KANSL3: variants seen among roughly 807,000 people sequenced by gnomAD.
The protein encoded by KANSL3 is KAT8 regulatory NSL complex subunit 3.
Under a neutral mutation model 89.2 loss-of-function variants are expected in KANSL3, and 16 were observed. That is an observed-to-expected ratio of 0.18 (90% confidence interval 0.12 to 0.27). The LOEUF (loss-of-function observed/expected upper bound fraction) is 0.27. Ranked by LOEUF, KANSL3 falls within the 10% of genes least tolerant of loss-of-function variation. KANSL3 has a pLI of 1.00. For synonymous variants in KANSL3, 385 were observed against 419.7 expected (o/e 0.92, Z 1.01); for missense variants, 879 against 1,110.6 (o/e 0.79, Z 2.96).
chr2:96,611,917 G>GTGTGTGTGTT lies in KANSL3; in HGVS notation c.1086+364_1086+365insAACACACACA. Among the ~76,000 whole-genome samples, 6 of 149,558 alleles carry GTGTGTGTGTT rather than the reference G, an allele frequency of 4.0e-5. 1 individual carries two copies. The highest frequency in any genetic ancestry group is 4.0e-4 in the Admixed American group (6 of 14,980). On this transcript the variant is annotated intron_variant, in intron 9 of 20. Transcript: ENST00000431828. Reference sequence around the variant, plus strand: ...TATATACCCATATGTGTGTGTGTGTGTGTGTGTGTGTGTGTGTGTGTATGT... The same window carrying GTGTGTGTGTT: ...TATATACCCATATGTGTGTGTGTGTGTGTGTGTGTTTGTGTGTGTGTGTGTGTGTGTATGT...
chr2:96,606,840 T>A, intron 14 of KANSL3: 1 of 405,316 alleles, frequency 2.5e-6, no homozygotes, highest in Admixed American at 3.8e-5. Context: ...AACAAAAGAA[T>A]ACAAAGAAAG....
In KANSL3 at chr2:96,604,840, T is replaced by A; in HGVS notation, c.1957A>T (p.Met653Leu). Residue 653 changes from methionine (M) to leucine (L), a missense_variant, in exon 16 of 21, where the codon ATG (methionine) becomes TTG (leucine). Physicochemically the swap from Met to Leu is conservative, Grantham distance 15. Coordinates refer to ENST00000431828, the MANE Select transcript of KANSL3 (RefSeq NM_001115016.3). The part of the protein sequence containing the change: ...PEAAGGKPIT[M>L]TLGQASAGAK... ...CCTGCTGAAGCCTGCCCCAGTGTCA[T>A]GGTGATGGGCTTCCCACCTGCAGCT... 1.3e-6 allele frequency: 2 copies of A among 1,597,894 alleles called. No individual in the cohort carries two copies. Among genetic ancestry groups the A allele is most frequent in the Non-Finnish European group, 1.7e-6 (2 of 1,172,216 alleles).
intron 18 of KANSL3, 129 bp downstream of exon 18, chr2:96,602,624 T>A (rs1380133184): frequency 2.7e-6 from 2 of 736,776 alleles, no homozygotes; most frequent in Non-Finnish European, 4.4e-6. Context: ...GTAAGTTCCC[T>A]GCTATGTAGC....
chr2:96,588,408 AAAT>A (rs548982926), downstream of KANSL3, among the ~76,000 whole-genome samples: 10 of 152,336 alleles, frequency 6.6e-5, no homozygotes, highest in East Asian at 1.9e-3. Flanking sequence ...ATGAAAGGTA[AAAT>A]TCAGACATTC....
downstream of KANSL3, among the ~76,000 whole-genome samples, chr2:96,590,919 G>A (rs151319331): frequency 1.0e-2 from 1,516 of 152,242 alleles, 14 homozygotes; most frequent in South Asian, 0.031. Flanking sequence ...CAGGGAGGTG[G>A]AGGTTGCAGT....
intron 20 of KANSL3, chr2:96,599,712 C>T: frequency 3.2e-6 from 2 of 623,400 alleles, no homozygotes; most frequent in Non-Finnish European, 4.0e-6. Context: ...TCTGAATATA[C>T]AAAGCCACTA....
At chr2:96,590,329 T>C (rs2066263757), downstream of KANSL3, among the ~76,000 whole-genome samples, 1 of 151,972 alleles carries the variant, frequency 6.6e-6, no homozygotes, top group Non-Finnish European at 1.5e-5. Flanking sequence ...GGTCTCACTC[T>C]GTTGCTCAGA....
chr2:96,624,282 G>C (rs1401385535), intron 3 of KANSL3, among the ~76,000 whole-genome samples: 1 of 152,166 alleles, frequency 6.6e-6, no homozygotes, highest in African/African-American at 2.4e-5. Context: ...TCTCAGGTGG[G>C]CTTGAGAATT....
At chr2:96,601,216 C>T (rs1573293593) in intron 20 of KANSL3, 1 of 685,258 alleles carries the variant, frequency 1.5e-6, no homozygotes, top group Non-Finnish European at 1.8e-6. Context: ...TGCAGGGAGC[C>T]GAGATCACAC....
In KANSL3 at chr2:96,602,861, C is replaced by T. The variant is rs913772016; in HGVS notation, c.2151G>A (p.Gly717=). Residue 717 remains glycine (G), a splice_region_variant and synonymous_variant, in exon 18 of 21, where the codon GGG becomes GGA. Transcript: ENST00000431828. ...GGAGGAGGCTGCTGGCTGATGTGGCCCCTAAGAGAGGACATAGCAGGAATC... is the reference window on the plus strand; with the variant it reads ...GGAGGAGGCTGCTGGCTGATGTGGCTCCTAAGAGAGGACATAGCAGGAATC... ...VATSPGSSLP[G]ATSASSLLQG... 1.2e-6 allele frequency: 2 copies of T among 1,613,676 alleles called. No individual in the cohort carries two copies. Among genetic ancestry groups the T allele is most frequent in the South Asian group, 1.1e-5 (1 of 91,082 alleles).
At position 96,593,625 on chromosome 2, in the gene KANSL3, G is replaced by C. The variant is rs11690659; in HGVS notation, c.*1986C>G. On this transcript the variant is annotated 3_prime_UTR_variant, in exon 21 of 21. Transcript: ENST00000431828. Reference sequence around the variant, plus strand: ...AGGTGGACAGATCACACCTCAGGAAGTCATCCCTTGTAAGCACACTAGAAT... The same window carrying C: ...AGGTGGACAGATCACACCTCAGGAACTCATCCCTTGTAAGCACACTAGAAT... 2,889 of 261,328 alleles carry C rather than the reference G, an allele frequency of 0.011. 27 individuals are homozygous for C. Among genetic ancestry groups the C allele is most frequent in the Non-Finnish European group, 0.015 (1,911 of 129,546 alleles). 16.2% of individuals were successfully genotyped at this position (261,328 alleles called of 1,614,324 possible).
At chr2:96,612,087 T>C (rs1280564254) in intron 9 of KANSL3, 195 bp downstream of exon 9, 1 of 572,216 alleles carries the variant, frequency 1.7e-6, no homozygotes, top group East Asian at 2.9e-5. Context: ...CTACACCTGC[T>C]TTTGTTTCTG....
Position 96,619,416 on chromosome 2 carries a change from G to C in KANSL3, c.606C>G (p.Thr202=), listed in dbSNP as rs2070830000. The change falls in exon 5 of 21, where the codon ACC becomes ACG. Residue 202 remains threonine, a synonymous_variant. Transcript: ENST00000431828. The stretch of plus-strand genomic sequence containing the variant: ...AGGCTGCCAGCATGGGCAGACTCAA[G>C]GTCTCCACAAGGGTGGTGTGCAGCC... ...IQWLHTTLVE[T]LSLPMLAAYL... 6.2e-7 allele frequency: 1 copy of C among 1,613,698 alleles called. No individual in the cohort carries two copies. The highest frequency in any genetic ancestry group is 8.5e-7 in the Non-Finnish European group (1 of 1,179,818).
intron 20 of KANSL3, among the ~76,000 whole-genome samples, chr2:96,596,188 C>T (rs531342899): frequency 6.6e-6 from 1 of 152,322 alleles, no homozygotes; most frequent in African/African-American, 2.4e-5. Flanking sequence ...GAGAGGGTGG[C>T]CTTTTTTACC....
intron 11 of KANSL3, 56 bp downstream of exon 11, chr2:96,610,670 G>A (rs2068771264): frequency 1.9e-6 from 3 of 1,586,674 alleles, no homozygotes; most frequent in African/African-American, 1.3e-5. Context: ...CAGCTTCCAG[G>A]CTTATCTCTA....
chr2:96,637,210 G>T, intron 1 of KANSL3, 25 bp from the exon 2 acceptor site: 1 of 934,960 alleles, frequency 1.1e-6, no homozygotes, highest in Non-Finnish European at 1.6e-6. Flanking sequence ...TTCAGTTTAG[G>T]TCAATTCCAA....
downstream of KANSL3, among the ~76,000 whole-genome samples, chr2:96,592,194 A>G (rs910771233): frequency 6.6e-6 from 1 of 152,112 alleles, no homozygotes; most frequent in Non-Finnish European, 1.5e-5. Context: ...CGATGTGCCC[A>G]GGTATACTGG....
Position 96,612,532 on chromosome 2 carries a change from T to C in KANSL3, c.944A>G (p.Asn315Ser). ...CTGTAGAACTCCTACCCCACTGCCA[T>C]TGTTCAGCAGATGGGTGGCTACAGG... ...VIPVATHLLN[N>S]GSGVGVLQCL... The change falls in exon 8 of 21, where the codon AAT becomes AGT. Residue 315 changes from asparagine to serine, a missense_variant. Around this residue, in one of 6 missense-constraint regions of KANSL3, gnomAD observed 198 missense variants for 260.3 expected, o/e 0.76. Coordinates refer to ENST00000431828, the MANE Select transcript of KANSL3 (RefSeq NM_001115016.3). The C allele has an allele frequency of 1.2e-6, 2 of 1,613,890 alleles. No individual in the cohort carries two copies. The highest frequency in any genetic ancestry group is 1.7e-6 in the Non-Finnish European group (2 of 1,179,862).
chr2:96,619,654 G>T lies in KANSL3; in HGVS notation c.477+18C>A. 4.4e-6 allele frequency: 7 copies of T among 1,580,262 alleles called. No homozygotes were observed. The highest frequency in any genetic ancestry group is 6.0e-6 in the Non-Finnish European group (7 of 1,163,236). On this transcript the variant is annotated intron_variant, in intron 4 of 20. Transcript: ENST00000431828. ...GAACTACGAAGAGCCCACTGTGGGC[G>T]GATTGCTGGTGTCTTACCCCTTCGT...
Sources: allele counts gnomAD v4.1 joint callset (sites outside exome capture counted in the v4.1 genomes callset), GRCh38; gene constraint gnomAD v4.1.1; regional missense constraint gnomAD v4.1.1; transcripts MANE v1.5; gene names NCBI Gene and HGNC (gene_info 2026-07-23, HGNC 2026-07-21).